Variants in AKNA observed in about 807,000 individuals in gnomAD.
AKNA encodes the protein AT-hook transcription factor, also known as microtubule organization protein AKNA.
In AKNA, 67 loss-of-function variants were observed where a neutral mutation model predicts 138.8. The observed-to-expected ratio is 0.48, with a 90% CI of 0.40 to 0.59. AKNA has a LOEUF of 0.59. Ranked by LOEUF, AKNA falls within the 20% of genes least tolerant of loss-of-function variation. The probability of loss-of-function intolerance (pLI) is 0.00; values close to 1 mark genes in which losing one functional copy is unlikely to be tolerated. For missense variants in AKNA, 1,813 were observed against 1,880.4 expected (o/e 0.96, Z 0.66); for synonymous variants, 737 against 754.4 (o/e 0.98, Z 0.38).
chr9:114,356,811 G>T, intron 13 of AKNA, 52 bp downstream of exon 13: 1 of 1,454,896 alleles, frequency 6.9e-7, no homozygotes, highest in Non-Finnish European at 9.2e-7. Flanking sequence ...GTGATTCCCA[G>T]GCTGTCCCAG....
intron 6 of AKNA, among the ~76,000 whole-genome samples, chr9:114,365,091 A>G (rs1369948211): frequency 2.0e-5 from 3 of 152,234 alleles, no homozygotes; most frequent in African/African-American, 7.2e-5. Flanking sequence ...TGTGGAGAGT[A>G]AAAAGGAAAA....
intron 5 of AKNA, 79 bp downstream of exon 5, chr9:114,368,360 A>C (rs1832523418): frequency 1.5e-6 from 2 of 1,294,486 alleles, no homozygotes. Flanking sequence ...CGCCATCCCC[A>C]GGGTGAACCA....
At chr9:114,337,493 T>C (rs1830076435) in intron 21 of AKNA, among the ~76,000 whole-genome samples, 187 bp from the exon 22 acceptor site, 1 of 152,072 alleles carries the variant, frequency 6.6e-6, no homozygotes, top group South Asian at 2.1e-4. Flanking sequence ...CTTAGAAAGA[T>C]GAAGGAAGAT....
downstream of AKNA, chr9:114,330,807 C>G (rs1160528874): frequency 6.2e-7 from 1 of 1,614,004 alleles, no homozygotes; most frequent in South Asian, 1.1e-5. Flanking sequence ...ACCAGTGCTT[C>G]TATAACTCCA....
In AKNA at chr9:114,393,901, C is replaced by T. The variant is rs1005175398; in HGVS notation, c.-114+456G>A. On this transcript the variant is annotated intron_variant, in intron 1 of 21. Coordinates refer to the AKNA transcript ENST00000307564. ...AAAATGTTTACAACAGGCCATGCGC[C>T]GTGGCTCACACCTGTAATCCCAGCA... Among the ~76,000 whole-genome samples the T allele has an allele frequency of 4.6e-5, 7 of 152,130 alleles. 1 individual carries two copies. The South Asian group carries it at 1.5e-3, about 32-fold the overall frequency.
chr9:114,385,661 G>C (rs1434965620), intron 1 of AKNA, among the ~76,000 whole-genome samples: 1 of 152,218 alleles, frequency 6.6e-6, no homozygotes, highest in Non-Finnish European at 1.5e-5. Flanking sequence ...CACGTCAGAG[G>C]CAGCTGCAGT....
intron 15 of AKNA, among the ~76,000 whole-genome samples, chr9:114,349,467 C>T (rs1564623415): frequency 6.6e-6 from 1 of 152,190 alleles, no homozygotes; most frequent in Admixed American, 6.5e-5. Context: ...AAATGAATCC[C>T]TTCTTCCCCT....
At chr9:114,377,595 C>T in intron 2 of AKNA, 63 bp from the exon 3 acceptor site, 1 of 1,458,970 alleles carries the variant, frequency 6.9e-7, no homozygotes, top group Non-Finnish European at 9.2e-7. Context: ...TGTAACTTAC[C>T]CTAAGTCACT....
At chr9:114,394,001 C>T (rs1039364056) in intron 1 of AKNA, among the ~76,000 whole-genome samples, 3 of 151,938 alleles carry the variant, frequency 2.0e-5, no homozygotes, top group South Asian at 2.1e-4. Context: ...GGCGAAACCC[C>T]GTCTCTACTA....
At chr9:114,360,472 C>T (rs115287453) in intron 9 of AKNA, among the ~76,000 whole-genome samples, 1,877 of 152,280 alleles carry the variant, frequency 0.012, 28 homozygotes, top group African/African-American at 0.043. Context: ...GCATGGCCAC[C>T]CCAGCCCCCT....
chr9:114,345,814 C>T, intron 18 of AKNA, 49 bp downstream of exon 18: 1 of 1,585,636 alleles, frequency 6.3e-7, no homozygotes, highest in African/African-American at 1.3e-5. Context: ...AGAGGAGCCC[C>T]CGCTGACACC....
At chr9:114,382,724 C>T (rs1010726158) in intron 1 of AKNA, among the ~76,000 whole-genome samples, 1 of 151,984 alleles carries the variant, frequency 6.6e-6, no homozygotes, top group African/African-American at 2.4e-5. Context: ...GTGAAAGATG[C>T]GACAAAGGTC....
At position 114,358,012 on chromosome 9, in the gene AKNA, T is replaced by G; in HGVS notation, c.2648A>C (p.His883Pro). The G allele has an allele frequency of 6.2e-7, 1 of 1,610,016 alleles. No homozygotes were observed. The highest frequency in any genetic ancestry group is 1.3e-5 in the African/African-American group (1 of 74,906). Residue 883 changes from histidine to proline, a missense_variant, in exon 12 of 22, where the codon CAC becomes CCC. Coordinates refer to ENST00000374088, the MANE Select transcript of AKNA (RefSeq NM_001317950.2). ...HPPGTKSAASHQSSMTSLEGS... is the reference protein window; with the variant it reads ...HPPGTKSAASPQSSMTSLEGS... ...CTCCAGGCTGGTCATACTACTTTGG[T>G]GGGATGCTGCGGACTTGGTGCCTGG...
At chr9:114,350,192 C>T (rs1831006842) in intron 15 of AKNA, among the ~76,000 whole-genome samples, 2 of 152,144 alleles carry the variant, frequency 1.3e-5, no homozygotes, top group Admixed American at 1.3e-4. Context: ...GGTAGACTTA[C>T]TAAACTCAGA....
intron 14 of AKNA, 120 bp downstream of exon 14, chr9:114,355,805 A>G (rs979137185): frequency 1.8e-6 from 2 of 1,081,950 alleles, no homozygotes; most frequent in Admixed American, 2.9e-5. Flanking sequence ...CGTTATCTGT[A>G]ATTTCAAATT....
At chr9:114,383,134 G>A in intron 1 of AKNA, 1 of 456,036 alleles carries the variant, frequency 2.2e-6, no homozygotes, top group Non-Finnish European at 4.4e-6. Context: ...GCCCATCAGA[G>A]GTGTGGTTTA....
chr9:114,335,758 C>G lies in AKNA; in HGVS notation c.*1296G>C, dbSNP rs1165101126. On this transcript the variant is annotated 3_prime_UTR_variant, in exon 22 of 22. Coordinates refer to ENST00000374088, the MANE Select transcript of AKNA (RefSeq NM_001317950.2). ...TGTACCCCAGCCTGGGCAACCAGAG[C>G]AAAACTCAGTCTCAAAAAAAAAAAA... is the stretch of plus-strand genomic sequence containing the variant. The G allele has an allele frequency of 1.2e-5, 1 of 86,340 alleles. No individual in the cohort carries two copies. Among genetic ancestry groups the G allele is most frequent in the East Asian group, 3.0e-4 (1 of 3,288 alleles). 5.3% of individuals were successfully genotyped at this position (86,340 alleles called of 1,614,324 possible).
chr9:114,381,061 T>TAGGGGGAGGGGTG lies in AKNA; in HGVS notation c.272_273insCACCCCTCCCCCT (p.Glu91AspfsTer8), dbSNP rs777762562. The stretch of plus-strand genomic sequence containing the variant: ...TAGGGGGAGGGGTGTCAGTCTCACC[T>TAGGGGGAGGGGTG]TCTCCCGAAGTCTCTCCTGACTCGG... On this transcript the variant is annotated frameshift_variant and splice_region_variant, in exon 2 of 22. Coordinates refer to ENST00000374088, the MANE Select transcript of AKNA (RefSeq NM_001317950.2). LOFTEE classifies it high-confidence loss of function. 6.5e-7 allele frequency: 1 copy of TAGGGGGAGGGGTG among 1,534,704 alleles called. No individual in the cohort carries two copies. The highest frequency in any genetic ancestry group is 1.8e-5 in the African/African-American group (1 of 55,320).
intron 19 of AKNA, among the ~76,000 whole-genome samples, chr9:114,343,264 G>T (rs1047459815): frequency 6.6e-6 from 1 of 152,176 alleles, no homozygotes; most frequent in Admixed American, 6.5e-5. Context: ...TAGATGTGGT[G>T]ACTGAGGTAC....
Sources: allele counts gnomAD v4.1 joint callset (sites outside exome capture counted in the v4.1 genomes callset), GRCh38; gene constraint gnomAD v4.1.1; transcripts MANE v1.5; gene names NCBI Gene and HGNC (gene_info 2026-07-23, HGNC 2026-07-21).